ST3GAL1: variants seen among roughly 807,000 people sequenced by gnomAD.
ST3GAL1 encodes the protein CMP-N-acetylneuraminate-beta-galactosamide-alpha-2,3-sialyltransferase 1.
Under a neutral mutation model 34.1 loss-of-function variants are expected in ST3GAL1, and 16 were observed. The observed-to-expected ratio is 0.47, with a 90% CI of 0.32 to 0.71. The LOEUF is 0.71. ST3GAL1 is among the 30% of genes least tolerant of loss of function. ST3GAL1 has a pLI of 0.04. For missense variants in ST3GAL1, 353 were observed against 447.4 expected (o/e 0.79, Z 1.90); for synonymous variants, 191 against 184.7 (o/e 1.03, Z -0.28).
At chr8:133,536,285 C>T (rs1041645538) in intron 2 of ST3GAL1, among the ~76,000 whole-genome samples, 1 of 152,122 alleles carries the variant, frequency 6.6e-6, no homozygotes, top group Admixed American at 6.5e-5. Flanking sequence ...GACTCTGTTC[C>T]AGGATAGTAA....
chr8:133,516,889 C>T (rs1315599139), intron 2 of ST3GAL1, among the ~76,000 whole-genome samples: 1 of 152,192 alleles, frequency 6.6e-6, no homozygotes, highest in Non-Finnish European at 1.5e-5. Context: ...AAAGGAATGT[C>T]GTCAAATCAG....
chr8:133,548,821 T>C (rs1818745108), intron 1 of ST3GAL1, among the ~76,000 whole-genome samples: 1 of 152,186 alleles, frequency 6.6e-6, no homozygotes, highest in African/African-American at 2.4e-5. Context: ...AGCTATATTT[T>C]ACTTGTCACT....
chr8:133,504,889 C>T (rs1393947339), intron 2 of ST3GAL1, among the ~76,000 whole-genome samples: 4 of 151,780 alleles, frequency 2.6e-5, no homozygotes, highest in Admixed American at 2.0e-4. Context: ...TTTGTTTTTT[C>T]GGGGGATCTA....
In ST3GAL1 at chr8:133,490,393, G is replaced by A. The variant is rs577037604; in HGVS notation, c.-374+8742C>T. On this transcript the variant is annotated intron_variant, in intron 3 of 9. Transcript: ENST00000522652. ...ATGCGTATCTTCACTGCTAGATAGC[G>A]AAGCCGCACACTAGGCCGGCTCCAG... is the stretch of plus-strand genomic sequence containing the variant. Among the ~76,000 whole-genome samples the A allele has an allele frequency of 2.0e-5, 3 of 152,330 alleles. 1 individual carries two copies. Among genetic ancestry groups the A allele is most frequent in the African/African-American group, 7.2e-5 (3 of 41,570 alleles).
chr8:133,477,463 C>T (rs1466682399), intron 3 of ST3GAL1, among the ~76,000 whole-genome samples: 1 of 151,404 alleles, frequency 6.6e-6, no homozygotes, highest in Non-Finnish European at 1.5e-5. Context: ...GATGACTTGC[C>T]TAAGGAAAGG....
At chr8:133,462,016 GCCCTTAGTGAGTT>G (rs1234362505) in intron 8 of ST3GAL1, 22 bp from the exon 9 acceptor site, 1 of 1,613,866 alleles carries the variant, frequency 6.2e-7, no homozygotes. Context: ...GGAAGACACG[GCCCTTAGTGAGTT>G]CTGGGGGGCA....
chr8:133,513,718 ACCCC>A (rs1446721551), intron 2 of ST3GAL1, among the ~76,000 whole-genome samples: 1 of 152,028 alleles, frequency 6.6e-6, no homozygotes, highest in Non-Finnish European at 1.5e-5. Flanking sequence ...ACATGGTGAA[ACCCC>A]ATCTCTACTA....
At chr8:133,559,010 G>A (rs899273537) in intron 1 of ST3GAL1, among the ~76,000 whole-genome samples, 2 of 149,324 alleles carry the variant, frequency 1.3e-5, no homozygotes, top group African/African-American at 5.0e-5. Flanking sequence ...GTGTTTATGT[G>A]GTCCCAGGGC....
chr8:133,527,887 G>T (rs546549578), intron 2 of ST3GAL1, among the ~76,000 whole-genome samples: 3 of 152,082 alleles, frequency 2.0e-5, no homozygotes, highest in Non-Finnish European at 2.9e-5. Context: ...AAATTACCCA[G>T]AAATGGGCTG....
At chr8:133,478,863 C>T (rs1318988544) in intron 3 of ST3GAL1, among the ~76,000 whole-genome samples, 1 of 152,190 alleles carries the variant, frequency 6.6e-6, no homozygotes, top group Non-Finnish European at 1.5e-5. Context: ...GGCAGTGACC[C>T]TGTCACCCGT....
intron 1 of ST3GAL1, among the ~76,000 whole-genome samples, chr8:133,557,673 C>A (rs961720148): frequency 2.6e-5 from 4 of 152,126 alleles, no homozygotes; most frequent in African/African-American, 4.8e-5. Flanking sequence ...CATGGTGAAA[C>A]CCTGTCTCTA....
Position 133,461,770 on chromosome 8 carries a change from A to G in ST3GAL1, c.849+105T>C. On this transcript the variant is annotated intron_variant, in intron 9 of 9. Coordinates refer to ENST00000522652, the MANE Select transcript of ST3GAL1 (RefSeq NM_173344.3). The surrounding 1 kb of genome is among the most constrained non-coding windows in gnomAD (Gnocchi z 4.7). Reference sequence around the variant, plus strand: ...AGAGACAGGGAATCCGAGCTTCCGGAAGAGGCAGGCTAGGTCTACCTGCCC... The same window carrying G: ...AGAGACAGGGAATCCGAGCTTCCGGGAGAGGCAGGCTAGGTCTACCTGCCC... 6.6e-7 allele frequency: 1 copy of G among 1,506,366 alleles called. No individual in the cohort carries two copies. The highest frequency in any genetic ancestry group is 9.0e-7 in the Non-Finnish European group (1 of 1,107,736). 93.3% of individuals were successfully genotyped at this position (1,506,366 alleles called of 1,614,324 possible). A position where few individuals can be genotyped will look rare whatever the true frequency, so the allele number is the denominator to read the frequency against.
chr8:133,555,195 T>C (rs1818973853), intron 1 of ST3GAL1, among the ~76,000 whole-genome samples: 1 of 152,146 alleles, frequency 6.6e-6, no homozygotes, highest in Non-Finnish European at 1.5e-5. Context: ...TTGCTTTTTC[T>C]TCACCCGTCT....
chr8:133,540,774 TAG>T lies in ST3GAL1; in HGVS notation c.-429+4998_-429+4999del, dbSNP rs1341400027. Among the ~76,000 whole-genome samples the T allele has an allele frequency of 2.2e-3, 158 of 70,442 alleles. 3 individuals carry two copies. Among genetic ancestry groups the T allele is most frequent in the South Asian group, 9.8e-3 (16 of 1,628 alleles). The allele number at this position is 70,442 out of a possible 152,430, so 46.2% of individuals were successfully genotyped here. A position where few individuals can be genotyped will look rare whatever the true frequency, so the allele number is the denominator to read the frequency against. ...ATATATATATATAGACATATATATA[TAG>T]AGACATATATATATATAGACATATA... On this transcript the variant is annotated intron_variant, in intron 2 of 9. Transcript: ENST00000522652.
chr8:133,518,255 G>A (rs1330413399), intron 2 of ST3GAL1, among the ~76,000 whole-genome samples: 4 of 152,198 alleles, frequency 2.6e-5, no homozygotes. Flanking sequence ...ACTGCTAAGG[G>A]AGAGGCCCTG....
intron 1 of ST3GAL1, among the ~76,000 whole-genome samples, chr8:133,557,904 C>CA (rs543479046): frequency 0.14 from 9,236 of 64,804 alleles, 498 homozygotes; most frequent in African/African-American, 0.18. Flanking sequence ...GACTCCGTCT[C>CA]AAAAAAAAAA....
At chr8:133,528,208 G>A (rs1408630474) in intron 2 of ST3GAL1, among the ~76,000 whole-genome samples, 10 of 151,900 alleles carry the variant, frequency 6.6e-5, no homozygotes, top group African/African-American at 2.2e-4. Context: ...CAGAAATGAT[G>A]CACTTGGAGA....
chr8:133,462,396 T>C (rs1006437418), intron 8 of ST3GAL1, among the ~76,000 whole-genome samples: 2 of 152,164 alleles, frequency 1.3e-5, no homozygotes, highest in Admixed American at 1.3e-4. Flanking sequence ...CACCTGATGA[T>C]GGCTGGAATC....
intron 2 of ST3GAL1, among the ~76,000 whole-genome samples, chr8:133,529,033 G>A (rs1454251564): frequency 6.6e-6 from 1 of 152,230 alleles, no homozygotes; most frequent in African/African-American, 2.4e-5. Context: ...TAACAAGCTA[G>A]TAGAGAAACA....
Sources: gnomAD v4.1 joint callset for allele counts (sites outside exome capture counted in the v4.1 genomes callset) on GRCh38, gnomAD v4.1.1 for gene constraint, Gnocchi (gnomAD v3.1) non-coding constraint, MANE v1.5 for transcripts, NCBI Gene and HGNC (gene_info 2026-07-23, HGNC 2026-07-21) for gene names.